The following ITIH2 variants were observed in gnomAD, a reference collection of about 807,000 sequenced individuals.
The protein encoded by ITIH2 is inter-alpha-trypsin inhibitor heavy chain H2.
Under a neutral mutation model 104.4 loss-of-function variants are expected in ITIH2, and 103 were observed. That is an observed-to-expected ratio of 0.99 (90% confidence interval 0.84 to 1.16). ITIH2 has a LOEUF of 1.16. Ranked by LOEUF, ITIH2 falls within the 50% of genes most tolerant of loss-of-function variation. ITIH2 has a pLI of 0.00. For missense variants in ITIH2, 1,108 were observed against 1,162.4 expected (o/e 0.95, Z 0.68); for synonymous variants, 436 against 435.4 (o/e 1.00, Z -0.02).
chr10:7,710,289 T>G (rs1446744868), intron 4 of ITIH2, among the ~76,000 whole-genome samples: 1 of 152,256 alleles, frequency 6.6e-6, no homozygotes, highest in Non-Finnish European at 1.5e-5. Context: ...TTCTGTGTGT[T>G]TGAAATTTTT....
rs754734746 is a variant in ITIH2, at chr10:7,723,440, C to A, written c.868-11C>A. The A allele has an allele frequency of 2.3e-5, 35 of 1,524,620 alleles. 2 individuals carry two copies. In the Middle Eastern group the frequency reaches 1.2e-3, roughly 53 times the overall value. 94.4% of individuals were successfully genotyped at this position (1,524,620 alleles called of 1,614,324 possible). A position where few individuals can be genotyped will look rare whatever the true frequency, so the allele number is the denominator to read the frequency against. ...TCATGATTTGACTCACAAATACCTT[C>A]TATTTTTCAGGTGTTTAATGGATAT... On this transcript the variant is annotated splice_polypyrimidine_tract_variant and intron_variant, in intron 8 of 20. Coordinates refer to ENST00000358415, the MANE Select transcript of ITIH2 (RefSeq NM_002216.3).
chr10:7,708,955 C>A, intron 3 of ITIH2, 67 bp from the exon 4 acceptor site: 1 of 1,280,798 alleles, frequency 7.8e-7, no homozygotes, highest in Admixed American at 1.7e-5. Context: ...ACATCAAATG[C>A]ACTACATTTG....
intron 5 of ITIH2, among the ~76,000 whole-genome samples, chr10:7,714,079 C>T (rs1323024976): frequency 6.6e-6 from 1 of 151,772 alleles, no homozygotes; most frequent in African/African-American, 2.4e-5. Context: ...GAATGCCAAG[C>T]CACCCTCAAA....
In ITIH2 at chr10:7,703,413, C is replaced by T. The variant is rs367809007; in HGVS notation, c.-22C>T. 16 of 1,592,730 alleles carry T rather than the reference C, an allele frequency of 1.0e-5. No individual in the cohort carries two copies. The highest frequency in any genetic ancestry group is 1.0e-5 in the Non-Finnish European group (12 of 1,160,718). ...TCCCCAGACCATCTGCTTTGGGGAG[C>T]TTGGCAAAACTGTCCAGCAAAATGA... On this transcript the variant is annotated 5_prime_UTR_variant, in exon 1 of 21. Coordinates refer to ENST00000358415, the MANE Select transcript of ITIH2 (RefSeq NM_002216.3).
chr10:7,729,898 A>G, intron 11 of ITIH2, 54 bp from the exon 12 acceptor site: 1 of 1,379,126 alleles, frequency 7.3e-7, no homozygotes, highest in Admixed American at 2.2e-5. Context: ...ATTTTCCAGA[A>G]AATTTATGAT....
At position 7,737,668 on chromosome 10, in the gene ITIH2, TATTC is replaced by T. The variant is rs1376177785; in HGVS notation, c.1958-952_1958-949del. ...ATATTCTATATTATATTCTATATTA[TATTC>T]TATATTTTCTATATTATATTCTATA... On this transcript the variant is annotated intron_variant, in intron 15 of 20. Transcript: ENST00000358415. Among the ~76,000 whole-genome samples the T allele has an allele frequency of 1.8e-3, 128 of 70,172 alleles. 3 individuals carry two copies. The highest frequency in any genetic ancestry group is 4.5e-3 in the African/African-American group (71 of 15,708). The allele number at this position is 70,172 out of a possible 152,430, so 46.0% of individuals were successfully genotyped here.
rs535111999 is a variant in ITIH2, at chr10:7,727,914, G to A, written c.1279+86G>A. 1.0e-5 allele frequency: 15 copies of A among 1,454,886 alleles called. No individual in the cohort carries two copies. The East Asian group carries it at 3.0e-4, about 29-fold the overall frequency. 90.1% of individuals were successfully genotyped at this position (1,454,886 alleles called of 1,614,324 possible). ...GTTTGCCTAAAAGGGGAACTCTAAT[G>A]GCATTTGCCTGAGTTTCTAGAACAT... On this transcript the variant is annotated intron_variant, in intron 11 of 20. Transcript: ENST00000358415.
intron 4 of ITIH2, among the ~76,000 whole-genome samples, chr10:7,711,693 A>C (rs561636132): frequency 6.6e-6 from 1 of 152,306 alleles, no homozygotes; most frequent in East Asian, 1.9e-4. Flanking sequence ...GTGTGCCTCA[A>C]CACACGTGCT....
chr10:7,719,853 C>G (rs994721800), intron 6 of ITIH2, among the ~76,000 whole-genome samples: 3 of 147,894 alleles, frequency 2.0e-5, no homozygotes, highest in African/African-American at 7.5e-5. Flanking sequence ...CAGGTTCTCA[C>G]TTATAAGAGA....
At chr10:7,742,717 C>A (rs543100953) in intron 16 of ITIH2, among the ~76,000 whole-genome samples, 1 of 152,306 alleles carries the variant, frequency 6.6e-6, no homozygotes, top group South Asian at 2.1e-4. Context: ...GCACTCCAGC[C>A]TGGGTGACAG....
chr10:7,732,245 T>C, intron 13 of ITIH2, 93 bp from the exon 14 acceptor site: 2 of 1,376,848 alleles, frequency 1.5e-6, no homozygotes, highest in Non-Finnish European at 2.0e-6. Context: ...TTCTTTTTTA[T>C]TCCCATTCAT....
intron 6 of ITIH2, among the ~76,000 whole-genome samples, chr10:7,718,560 G>A (rs1176683892): frequency 6.6e-6 from 1 of 152,000 alleles, no homozygotes; most frequent in Non-Finnish European, 1.5e-5. Context: ...AGGGGCATAT[G>A]TGCAGGTTTG....
At chr10:7,739,407 G>C (rs3802592) in intron 16 of ITIH2, among the ~76,000 whole-genome samples, 3,129 of 152,302 alleles carry the variant, frequency 0.021, 113 homozygotes, top group African/African-American at 0.066. Flanking sequence ...GTCCCAGCCT[G>C]ACTTGAGTGT....
chr10:7,738,516 A>G, intron 15 of ITIH2, 105 bp from the exon 16 acceptor site: 1 of 1,303,386 alleles, frequency 7.7e-7, no homozygotes, highest in South Asian at 1.3e-5. Context: ...AGAAAAACCT[A>G]AGCTGACAAT....
At chr10:7,715,803 G>C (rs575464392) in intron 5 of ITIH2, among the ~76,000 whole-genome samples, 1 of 152,104 alleles carries the variant, frequency 6.6e-6, no homozygotes, top group Non-Finnish European at 1.5e-5. Context: ...GTGCAGTGGC[G>C]TGATCTCGCT....
At chr10:7,706,601 C>A (rs1834749587) in intron 2 of ITIH2, among the ~76,000 whole-genome samples, 1 of 152,162 alleles carries the variant, frequency 6.6e-6, no homozygotes, top group Non-Finnish European at 1.5e-5. Context: ...GTCAAATAAT[C>A]CCTCAAATAG....
intron 9 of ITIH2, 64 bp downstream of exon 9, chr10:7,723,631 A>G (rs770979029): frequency 4.9e-6 from 5 of 1,020,948 alleles, no homozygotes; most frequent in Non-Finnish European, 7.8e-6. Flanking sequence ...CCCTCCTAAA[A>G]ATGCAATCAT....
chr10:7,705,192 G>A lies in ITIH2; in HGVS notation c.159+10G>A, dbSNP rs76983422. The A allele has an allele frequency of 3.2e-6, 5 of 1,587,092 alleles. No individual in the cohort carries two copies. Among genetic ancestry groups the A allele is most frequent in the Non-Finnish European group, 4.3e-6 (5 of 1,158,486 alleles). On this transcript the variant is annotated intron_variant, in intron 2 of 20. Coordinates refer to ENST00000358415, the MANE Select transcript of ITIH2 (RefSeq NM_002216.3). ...GAACCGGAGATATCAGGTATAGTAA[G>A]GTTTACTCCCAAAAGGGGGAAAAAA...
chr10:7,746,970 C>T (rs1450569986), intron 20 of ITIH2, among the ~76,000 whole-genome samples: 1 of 152,162 alleles, frequency 6.6e-6, no homozygotes, highest in African/African-American at 2.4e-5. Flanking sequence ...GAAGCCCTCA[C>T]AAGAGCTTCA....
Sources: allele counts gnomAD v4.1 joint callset (sites outside exome capture counted in the v4.1 genomes callset), GRCh38; gene constraint gnomAD v4.1.1; transcripts MANE v1.5; gene names NCBI Gene and HGNC (gene_info 2026-07-23, HGNC 2026-07-21).